KCNIP1: variants seen among roughly 807,000 people sequenced by gnomAD.
The protein encoded by KCNIP1 is A-type potassium channel modulatory protein KCNIP1.
KCNIP1 carries 18 observed loss-of-function variants against 33.0 expected under a neutral mutation model. The observed-to-expected ratio is 0.55, with a 90% CI of 0.38 to 0.81. The LOEUF is 0.81. KCNIP1 is among the 30% of genes least tolerant of loss of function. The pLI, the probability that KCNIP1 is intolerant of heterozygous loss-of-function variation, is 0.00. For synonymous variants in KCNIP1, 93 were observed against 98.3 expected, an observed-to-expected ratio of 0.95 and a Z score of 0.32; for missense variants, 238 against 271.6, an observed-to-expected ratio of 0.88 and a Z score of 0.87.
At chr5:170,669,608 C>T (rs1419354307) in intron 1 of KCNIP1, 2 of 985,306 alleles carry the variant, frequency 2.0e-6, no homozygotes, top group Non-Finnish European at 2.4e-6. Flanking sequence ...GCTGGATCAG[C>T]AGAAGGTTAT....
chr5:170,505,571 G>A (rs1039368117), intron 1 of KCNIP1, among the ~76,000 whole-genome samples: 1 of 152,206 alleles, frequency 6.6e-6, no homozygotes, highest in Non-Finnish European at 1.5e-5. Context: ...CCCCATCCTG[G>A]ATACAGGTGG....
Position 170,356,538 on chromosome 5 carries a change from A to G in KCNIP1, c.88+2574A>G, listed in dbSNP as rs1763352786. Among the ~76,000 whole-genome samples the G allele has an allele frequency of 3.3e-5, 5 of 152,212 alleles. No individual in the cohort carries two copies. The South Asian group carries it at 8.3e-4, about 25-fold the overall frequency. On this transcript the variant is annotated intron_variant, in intron 1 of 7. Transcript: ENST00000377360. ...CGCTTATTGCAGAGATAAACTGCTC[A>G]TGTCCACCTGCTCACATATCTCATC...
At chr5:170,365,858 A>T (rs1287702136) in intron 1 of KCNIP1, among the ~76,000 whole-genome samples, 1 of 152,224 alleles carries the variant, frequency 6.6e-6, no homozygotes, top group East Asian at 1.9e-4. Flanking sequence ...AACGCACTTA[A>T]AAGTGTTTAG....
rs75151026 is a variant in KCNIP1 at position 170,488,579 on chromosome 5, T to C, written c.88+134615T>C. Among the ~76,000 whole-genome samples, 63 of 152,362 alleles carry C rather than the reference T, an allele frequency of 4.1e-4. 1 individual carries two copies. The East Asian group carries it at 0.01, about 25-fold the overall frequency. ...ATCCATTCACAATTTAGTGTATGCA[T>C]CTACAAGGTACAAAGCCCAGTGCTC... On this transcript the variant is annotated intron_variant, in intron 1 of 7. Transcript: ENST00000377360.
At position 170,466,742 on chromosome 5, in the gene KCNIP1, G is replaced by A. The variant is rs367551795; in HGVS notation, c.88+112778G>A. Among the ~76,000 whole-genome samples the A allele has an allele frequency of 5.3e-5, 8 of 152,242 alleles. No individual in the cohort carries two copies. In the South Asian group the frequency reaches 6.2e-4, roughly 12 times the overall value. On this transcript the variant is annotated intron_variant, in intron 1 of 7. Coordinates refer to the KCNIP1 transcript ENST00000377360. ...TAGAGGATGTACGGAAGCTCTCTGC[G>A]ACTTCATTTATGAGGACGCTAATCC...
chr5:170,522,704 C>T (rs1339021122), intron 1 of KCNIP1, among the ~76,000 whole-genome samples: 1 of 152,354 alleles, frequency 6.6e-6, no homozygotes, highest in African/African-American at 2.4e-5. Context: ...CTCTGGCCAG[C>T]CCAATGGCAT....
At chr5:170,717,462 A>G (rs1167330797) in intron 1 of KCNIP1, among the ~76,000 whole-genome samples, 4 of 152,194 alleles carry the variant, frequency 2.6e-5, no homozygotes, top group African/African-American at 4.8e-5. Flanking sequence ...CCAGCAGGAT[A>G]AGGTGATATG....
At chr5:170,544,246 T>G (rs1229756618) in intron 1 of KCNIP1, among the ~76,000 whole-genome samples, 2 of 152,054 alleles carry the variant, frequency 1.3e-5, no homozygotes, top group Non-Finnish European at 2.9e-5. Context: ...AAACCCAATT[T>G]CTACTAAAAA....
intron 1 of KCNIP1, among the ~76,000 whole-genome samples, chr5:170,630,533 G>C (rs1174385133): frequency 6.6e-6 from 1 of 152,248 alleles, no homozygotes; most frequent in African/African-American, 2.4e-5. Flanking sequence ...TCAGGACTTG[G>C]GGGAGGGCAG....
At chr5:170,456,938 T>C (rs1756396339) in intron 1 of KCNIP1, among the ~76,000 whole-genome samples, 1 of 152,092 alleles carries the variant, frequency 6.6e-6, no homozygotes, top group African/African-American at 2.4e-5. Context: ...CAGGCTGGTC[T>C]CAAATTCCTA....
chr5:170,712,752 C>T (rs1027224717), intron 1 of KCNIP1: 17 of 1,071,302 alleles, frequency 1.6e-5, no homozygotes, highest in South Asian at 6.2e-5. Flanking sequence ...TCAAGCTGGA[C>T]GACGTGGACA....
chr5:170,664,528 C>A (rs1239432662), intron 1 of KCNIP1, among the ~76,000 whole-genome samples: 1 of 152,120 alleles, frequency 6.6e-6, no homozygotes, highest in East Asian at 1.9e-4. Context: ...CCAGGCTGGT[C>A]TCGAACTCCA....
chr5:170,474,707 C>T (rs1443473291), intron 1 of KCNIP1, among the ~76,000 whole-genome samples: 6 of 152,158 alleles, frequency 3.9e-5, no homozygotes, highest in African/African-American at 1.2e-4. Context: ...GTCACACAAC[C>T]AGGAAACAGC....
intron 1 of KCNIP1, among the ~76,000 whole-genome samples, chr5:170,364,108 C>T (rs1242854193): frequency 1.3e-5 from 2 of 151,874 alleles, no homozygotes; most frequent in Non-Finnish European, 2.9e-5. Flanking sequence ...TCAAGCAATC[C>T]TCCCACCTCA....
intron 1 of KCNIP1, among the ~76,000 whole-genome samples, chr5:170,389,035 C>T (rs915767347): frequency 6.6e-6 from 1 of 152,180 alleles, no homozygotes; most frequent in African/African-American, 2.4e-5. Flanking sequence ...GAACTGGGAC[C>T]TAGAGGGCCA....
At chr5:170,568,290 A>T (rs1757269333) in intron 1 of KCNIP1, among the ~76,000 whole-genome samples, 1 of 152,192 alleles carries the variant, frequency 6.6e-6, no homozygotes, top group African/African-American at 2.4e-5. Flanking sequence ...TATGTCCCAG[A>T]CACTGTGCTG....
At chr5:170,665,677 CT>C (rs1381595444) in intron 1 of KCNIP1, among the ~76,000 whole-genome samples, 1 of 152,118 alleles carries the variant, frequency 6.6e-6, no homozygotes, top group Non-Finnish European at 1.5e-5. Context: ...ACCTGAAGTC[CT>C]TTTTCTAGTT....
At chr5:170,441,524 T>C (rs1755989074) in intron 1 of KCNIP1, among the ~76,000 whole-genome samples, 1 of 152,030 alleles carries the variant, frequency 6.6e-6, no homozygotes, top group Non-Finnish European at 1.5e-5. Context: ...GGTGTTTCTA[T>C]CTCAGCCAGG....
intron 1 of KCNIP1, among the ~76,000 whole-genome samples, chr5:170,528,930 G>A (rs576706184): frequency 7.9e-5 from 12 of 152,230 alleles, no homozygotes; most frequent in Non-Finnish European, 1.5e-4. Context: ...CCTGGGCAGT[G>A]TTATTGCATG....
Sources: allele counts gnomAD v4.1 joint callset (sites outside exome capture counted in the v4.1 genomes callset), GRCh38; gene constraint gnomAD v4.1.1; transcripts MANE v1.5; gene names NCBI Gene and HGNC (gene_info 2026-07-23, HGNC 2026-07-21).